PLPPR1: variants seen among roughly 807,000 people sequenced by gnomAD.
PLPPR1 encodes the protein phospholipid phosphatase related 1.
In PLPPR1, 10 loss-of-function variants were observed where a neutral mutation model predicts 33.1. The ratio of observed to expected loss-of-function variants is 0.30; its 90% CI spans 0.19 to 0.51. The LOEUF is 0.51. Among genes scored for constraint, PLPPR1 ranks in the 20% least tolerant of loss-of-function variants. The pLI, the probability that PLPPR1 is intolerant of heterozygous loss-of-function variation, is 0.97. For synonymous variants in PLPPR1, 151 were observed against 151.0 expected, an observed-to-expected ratio of 1.00 and a Z score of 0.00; for missense variants, 304 against 408.1, an observed-to-expected ratio of 0.74 and a Z score of 2.20.
intron 1 of PLPPR1, among the ~76,000 whole-genome samples, chr9:101,043,732 T>C (rs1461708951): frequency 1.3e-5 from 2 of 152,146 alleles, no homozygotes; most frequent in Non-Finnish European, 2.9e-5. Flanking sequence ...CTGTTTTCCA[T>C]AGTGGTTGTA....
intron 4 of PLPPR1, among the ~76,000 whole-genome samples, chr9:101,295,114 A>G (rs984492239): frequency 2.6e-5 from 4 of 152,134 alleles, no homozygotes; most frequent in Non-Finnish European, 5.9e-5. Context: ...CTCAGGATAC[A>G]AAATCAATGT....
At chr9:101,119,920 A>C in intron 1 of PLPPR1, among the ~76,000 whole-genome samples, 1 of 152,180 alleles carries the variant, frequency 6.6e-6, no homozygotes, top group South Asian at 2.1e-4. Context: ...AGTGCCATAC[A>C]TAGGTGAAAA....
At chr9:101,285,500 G>T (rs1460547077) in intron 3 of PLPPR1, among the ~76,000 whole-genome samples, 1 of 152,316 alleles carries the variant, frequency 6.6e-6, no homozygotes. Flanking sequence ...ATAAAGTAAT[G>T]CAGTTGAGTA....
intron 1 of PLPPR1, among the ~76,000 whole-genome samples, chr9:101,051,489 C>T (rs1326210382): frequency 6.6e-6 from 1 of 152,184 alleles, no homozygotes; most frequent in Admixed American, 6.5e-5. Context: ...TGTAGCCTTT[C>T]CACTAGCATG....
chr9:101,172,649 C>T (rs975260456), intron 1 of PLPPR1, among the ~76,000 whole-genome samples: 8 of 152,080 alleles, frequency 5.3e-5, no homozygotes, highest in African/African-American at 1.9e-4. Flanking sequence ...CTCAAGGTCC[C>T]TCTGCAAACC....
chr9:101,035,392 AC>A (rs886849057), intron 1 of PLPPR1, among the ~76,000 whole-genome samples: 1 of 151,740 alleles, frequency 6.6e-6, no homozygotes, highest in Non-Finnish European at 1.5e-5. Flanking sequence ...AAGACTTTTT[AC>A]CCCCCATCCA....
chr9:101,317,306 G>T, intron 6 of PLPPR1, 59 bp from the exon 7 acceptor site: 3 of 1,565,630 alleles, frequency 1.9e-6, no homozygotes, highest in Non-Finnish European at 2.6e-6. Flanking sequence ...CACCCTCACA[G>T]ATGCCAGGCA....
chr9:101,238,952 CTTT>C (rs34407063), intron 2 of PLPPR1, among the ~76,000 whole-genome samples: 1 of 141,884 alleles, frequency 7.0e-6, no homozygotes, highest in African/African-American at 2.6e-5. Context: ...TATGAGCTCA[CTTT>C]TTTTTTTTTT....
chr9:101,102,149 TA>T (rs56708846), intron 1 of PLPPR1, among the ~76,000 whole-genome samples: 28,618 of 119,970 alleles, frequency 0.24, 4,164 homozygotes, highest in East Asian at 0.62. Flanking sequence ...TTTTTTTTTT[TA>T]TTTTATTATT....
At chr9:101,041,606 C>A (rs1830079172) in intron 1 of PLPPR1, among the ~76,000 whole-genome samples, 2 of 152,086 alleles carry the variant, frequency 1.3e-5, no homozygotes, top group South Asian at 4.1e-4. Flanking sequence ...GACAGATGTT[C>A]TTATGTGGTT....
intron 1 of PLPPR1, among the ~76,000 whole-genome samples, chr9:101,141,729 A>G (rs1831453155): frequency 6.6e-6 from 1 of 152,196 alleles, no homozygotes; most frequent in South Asian, 2.1e-4. Context: ...GGAAAGACGT[A>G]AAGAAGTATG....
intron 1 of PLPPR1, among the ~76,000 whole-genome samples, chr9:101,041,129 C>A (rs987772669): frequency 6.6e-6 from 1 of 152,140 alleles, no homozygotes; most frequent in East Asian, 1.9e-4. Context: ...GGTGTCTCAA[C>A]CTGGGTTTCG....
At chr9:101,133,649 A>C (rs946364117) in intron 1 of PLPPR1, among the ~76,000 whole-genome samples, 2 of 152,220 alleles carry the variant, frequency 1.3e-5, no homozygotes, top group African/African-American at 4.8e-5. Flanking sequence ...GTAAAGAGTA[A>C]GTAACACTGT....
chr9:101,281,549 A>T (rs1022908251), intron 3 of PLPPR1, among the ~76,000 whole-genome samples: 1 of 152,126 alleles, frequency 6.6e-6, no homozygotes, highest in Non-Finnish European at 1.5e-5. Flanking sequence ...TGGTGCTGCC[A>T]TGAAAACAGA....
intron 3 of PLPPR1, 140 bp downstream of exon 3, chr9:101,270,208 G>A (rs1250581872): frequency 3.6e-6 from 3 of 825,192 alleles, no homozygotes; most frequent in Non-Finnish European, 5.7e-6. Flanking sequence ...AAAACAGAGT[G>A]AATGGAGCTC....
At chr9:101,179,987 A>G (rs1269156504) in intron 1 of PLPPR1, among the ~76,000 whole-genome samples, 1 of 150,866 alleles carries the variant, frequency 6.6e-6, no homozygotes, top group South Asian at 2.1e-4. Flanking sequence ...TCAGACTCCA[A>G]GTTCTTCAGT....
intron 1 of PLPPR1, among the ~76,000 whole-genome samples, chr9:101,154,725 A>G (rs1427082266): frequency 7.2e-5 from 11 of 152,126 alleles, no homozygotes; most frequent in Non-Finnish European, 1.6e-4. Flanking sequence ...ATGTCCATCA[A>G]TGATAGACTG....
intron 4 of PLPPR1, among the ~76,000 whole-genome samples, chr9:101,296,650 C>G (rs1304378468): frequency 6.6e-6 from 1 of 152,142 alleles, no homozygotes. Flanking sequence ...TTTGTAGGGA[C>G]ATGGATGAAA....
chr9:101,314,416 T>G (rs1829015018), intron 6 of PLPPR1, among the ~76,000 whole-genome samples: 2 of 152,194 alleles, frequency 1.3e-5, no homozygotes, highest in Admixed American at 1.3e-4. Context: ...GAACATTGAT[T>G]GGGAAGCTTC....
Sources: allele counts gnomAD v4.1 joint callset (sites outside exome capture counted in the v4.1 genomes callset), GRCh38; gene constraint gnomAD v4.1.1; transcripts MANE v1.5; gene names NCBI Gene and HGNC (gene_info 2026-07-23, HGNC 2026-07-21).